The following ARHGEF6 variants were observed in gnomAD, a reference collection of about 807,000 sequenced individuals.
ARHGEF6 encodes Rac/Cdc42 guanine nucleotide exchange factor 6.
ARHGEF6 carries 9 observed loss-of-function variants against 70.3 expected under a neutral mutation model. The ratio of observed to expected loss-of-function variants is 0.13; its 90% CI spans 0.08 to 0.22. The LOEUF (loss-of-function observed/expected upper bound fraction) is 0.22. Among genes scored for constraint, ARHGEF6 ranks in the 10% least tolerant of loss-of-function variants. ARHGEF6 has a pLI of 1.00. For missense variants in ARHGEF6, 470 were observed against 563.0 expected (o/e 0.83, Z 1.67); for synonymous variants, 201 against 207.8 (o/e 0.97, Z 0.28).
At chrX:136,687,441 C>A (rs917134469) in intron 11 of ARHGEF6, among the ~76,000 whole-genome samples, 6 of 112,275 alleles carry the variant, frequency 5.3e-5, no homozygotes, top group Non-Finnish European at 5.6e-5. Flanking sequence ...ATCACGTGTA[C>A]CTTTGATAGC....
At chrX:136,778,332 C>T (rs186489660) in intron 2 of ARHGEF6, among the ~76,000 whole-genome samples, 1 of 111,148 alleles carries the variant, frequency 9.0e-6, no homozygotes, top group African/African-American at 3.3e-5. Flanking sequence ...TAAACCACAA[C>T]TATTTGTCCA....
rs1322404686 is a variant in ARHGEF6, at chrX:136,666,688, G to A, written c.*1341C>T. The A allele has an allele frequency of 8.9e-6, 1 of 112,064 alleles. No homozygotes were observed. Among genetic ancestry groups the A allele is most frequent in the Non-Finnish European group, 1.9e-5 (1 of 53,222 alleles). 9.2% of individuals were successfully genotyped at this position (112,064 alleles called of 1,213,427 possible). On this transcript the variant is annotated 3_prime_UTR_variant, in exon 22 of 22. Coordinates refer to ENST00000250617, the MANE Select transcript of ARHGEF6 (RefSeq NM_004840.3). ...GGGAGGGAGGGGTGAGTGGCACTGA[G>A]CCTTAGGCCAACTTTCAATGGCGCT...
At position 136,680,864 on chromosome X, in the gene ARHGEF6, T is replaced by C. The variant is rs757220742; in HGVS notation, c.1571A>G (p.Glu524Gly). 4 of 1,211,622 alleles carry C rather than the reference T, an allele frequency of 3.3e-6. No homozygotes were observed. Among genetic ancestry groups the C allele is most frequent in the Non-Finnish European group, 4.5e-6 (4 of 895,354 alleles). Residue 524 changes from glutamate (E) to glycine (G), a missense_variant, in exon 15 of 22, where the codon GAG becomes GGG. Transcript: ENST00000250617. ...GTTGTTACAATGGACCACAATTCTCTCCACTGTGTTACCTACATCCCCCAA... is the reference window on the plus strand; with the variant it reads ...GTTGTTACAATGGACCACAATTCTCCCCACTGTGTTACCTACATCCCCCAA... Reference protein sequence around the residue: ...CTFEITGNTVERIVVHCNNNQ... With the variant: ...CTFEITGNTVGRIVVHCNNNQ...
chrX:136,714,976 T>C (rs1260488224), intron 6 of ARHGEF6, among the ~76,000 whole-genome samples: 1 of 112,068 alleles, frequency 8.9e-6, no homozygotes, highest in Non-Finnish European at 1.9e-5. Flanking sequence ...AAGTCTTTGT[T>C]GTGATGGAAT....
intron 2 of ARHGEF6, among the ~76,000 whole-genome samples, chrX:136,774,847 TAGAG>T (rs1269005943): frequency 1.9e-5 from 2 of 106,741 alleles, no homozygotes; most frequent in African/African-American, 3.4e-5. Context: ...CACACATAAA[TAGAG>T]AGAGAGAAAG....
At chrX:136,770,386 T>A (rs2077355414) in intron 2 of ARHGEF6, among the ~76,000 whole-genome samples, 1 of 111,785 alleles carries the variant, frequency 8.9e-6, no homozygotes, top group Non-Finnish European at 1.9e-5. Flanking sequence ...AACAAAACAC[T>A]TATAACAAAC....
intron 9 of ARHGEF6, among the ~76,000 whole-genome samples, chrX:136,703,378 T>G (rs1207232543): frequency 8.9e-6 from 1 of 112,541 alleles, no homozygotes; most frequent in East Asian, 2.8e-4. Flanking sequence ...TTTATTGAAC[T>G]TCACAGATAA....
chrX:136,766,186 C>G (rs2077311942), intron 2 of ARHGEF6, among the ~76,000 whole-genome samples: 1 of 112,165 alleles, frequency 8.9e-6, no homozygotes, highest in Admixed American at 9.4e-5. Context: ...GAATTCCAGA[C>G]TGTGGCTGGA....
chrX:136,724,078 C>CTTTTTTTTTTTTTTTT (rs777860865), intron 6 of ARHGEF6, among the ~76,000 whole-genome samples: 1 of 100,476 alleles, frequency 1.0e-5, no homozygotes, highest in Non-Finnish European at 2.0e-5. Flanking sequence ...TTTTTTCTTT[C>CTTTTTTTTTTTTTTTT]TTTTTTTTTT....
chrX:136,677,516 GA>G (rs1349859285), intron 17 of ARHGEF6, among the ~76,000 whole-genome samples: 1 of 111,495 alleles, frequency 9.0e-6, no homozygotes, highest in Non-Finnish European at 1.9e-5. Flanking sequence ...AAACTCTCAT[GA>G]TCACCTAATC....
At chrX:136,704,545 T>C (rs1282376837) in intron 9 of ARHGEF6, among the ~76,000 whole-genome samples, 1 of 111,930 alleles carries the variant, frequency 8.9e-6, no homozygotes, top group African/African-American at 3.3e-5. Context: ...GACTCACCAT[T>C]CCACATGGCT....
intron 6 of ARHGEF6, among the ~76,000 whole-genome samples, chrX:136,726,499 A>T: frequency 8.9e-6 from 1 of 112,121 alleles, no homozygotes; most frequent in Middle Eastern, 4.6e-3. Flanking sequence ...GGTGAGCACT[A>T]GAAAGGTAGA....
chrX:136,733,193 C>T (rs2076953434), intron 5 of ARHGEF6, among the ~76,000 whole-genome samples: 2 of 109,815 alleles, frequency 1.8e-5, no homozygotes, highest in Non-Finnish European at 3.8e-5. Context: ...CACAACATAG[C>T]ATCTTTCCTA....
At chrX:136,723,534 A>G (rs1457967102) in intron 6 of ARHGEF6, among the ~76,000 whole-genome samples, 2 of 111,760 alleles carry the variant, frequency 1.8e-5, no homozygotes, top group African/African-American at 3.3e-5. Context: ...TTTTTAATTC[A>G]TAGAAATGGA....
intron 21 of ARHGEF6, 66 bp from the exon 22 acceptor site, chrX:136,668,235 C>T (rs1159774659): frequency 1.7e-6 from 2 of 1,156,008 alleles, no homozygotes; most frequent in African/African-American, 3.6e-5. Context: ...TCCTCCTGCT[C>T]ATCCTCGGGG....
intron 1 of ARHGEF6, among the ~76,000 whole-genome samples, chrX:136,780,213 T>C (rs2077436678): frequency 8.9e-6 from 1 of 112,262 alleles, no homozygotes; most frequent in Non-Finnish European, 1.9e-5. Flanking sequence ...TTTCTATTGC[T>C]TTTACAAACT....
At position 136,667,167 on chromosome X, in the gene ARHGEF6, A is replaced by T. The variant is rs945815665; in HGVS notation, c.*862T>A. 2.7e-5 allele frequency: 3 copies of T among 112,528 alleles called. No homozygotes were observed. The highest frequency in any genetic ancestry group is 9.7e-5 in the African/African-American group (3 of 30,964). The allele number at this position is 112,528 out of a possible 1,213,427, so 9.3% of individuals were successfully genotyped here. On this transcript the variant is annotated 3_prime_UTR_variant, in exon 22 of 22. Transcript: ENST00000250617. The stretch of plus-strand genomic sequence containing the variant: ...ACACCACTTGGTAAGGTTGGCTAAA[A>T]GTACTGGGGAAATAGAAAACTTACA...
Position 136,682,857 on chromosome X carries a change from G to T in ARHGEF6, c.1393-13C>A, listed in dbSNP as rs370589125. ...GCTCCTCTTTTTCCTGAGAGGGAAT[G>T]AAAATAATACATGAAGAACAGAATT... is the stretch of plus-strand genomic sequence containing the variant. On this transcript the variant is annotated splice_polypyrimidine_tract_variant and intron_variant, in intron 12 of 21. Transcript: ENST00000250617. 1.6e-5 allele frequency: 19 copies of T among 1,158,666 alleles called. No homozygotes were observed. In the African/African-American group the frequency reaches 3.2e-4, roughly 19 times the overall value.
At chrX:136,769,644 A>G (rs1207537865) in intron 2 of ARHGEF6, among the ~76,000 whole-genome samples, 1 of 111,371 alleles carries the variant, frequency 9.0e-6, no homozygotes, top group Admixed American at 9.5e-5. Context: ...TCAAAGAGGT[A>G]CTACCCAGGC....
Sources: allele counts gnomAD v4.1 joint callset (sites outside exome capture counted in the v4.1 genomes callset), GRCh38; gene constraint gnomAD v4.1.1; transcripts MANE v1.5; gene names NCBI Gene and HGNC (gene_info 2026-07-23, HGNC 2026-07-21).